Variants in UNC5B observed in about 807,000 individuals in gnomAD.
UNC5B encodes the protein unc-5 netrin receptor B.
A neutral mutation model predicts 103.7 loss-of-function variants in UNC5B; 56 were observed. The observed-to-expected ratio is 0.54, with a 90% CI of 0.44 to 0.67. UNC5B has a LOEUF of 0.67. Ranked by LOEUF, UNC5B falls within the 30% of genes least tolerant of loss-of-function variation. The pLI is 0.00. For synonymous variants in UNC5B, 577 were observed against 542.0 expected (o/e 1.06, Z -0.90); for missense variants, 1,194 against 1,284.5 (o/e 0.93, Z 1.08).
chr10:71,228,681 G>C (rs746066997), intron 1 of UNC5B, among the ~76,000 whole-genome samples: 18 of 152,230 alleles, frequency 1.2e-4, no homozygotes, highest in Non-Finnish European at 2.1e-4. Flanking sequence ...TACCAGACGG[G>C]AAAACATGAA....
chr10:71,237,401 A>G (rs552442272), intron 1 of UNC5B, among the ~76,000 whole-genome samples: 13 of 152,292 alleles, frequency 8.5e-5, no homozygotes, highest in African/African-American at 3.1e-4. Flanking sequence ...GATTTTAGAG[A>G]GAGAGCCGTC....
chr10:71,288,760 G>C, intron 7 of UNC5B, 28 bp downstream of exon 7: 1 of 1,583,826 alleles, frequency 6.3e-7, no homozygotes, highest in Non-Finnish European at 8.6e-7. Context: ...TGGGGCCCTG[G>C]GGGTGGGGAC....
At position 71,229,235 on chromosome 10, in the gene UNC5B, G is replaced by A. The variant is rs1843633198; in HGVS notation, c.79+16171G>A. On this transcript the variant is annotated intron_variant, in intron 1 of 16. Transcript: ENST00000335350. ...TCCCATTTTAAGGATTGGTCAGAGA[G>A]AGTGGGTGTTTGTGGGTGCATGGGG... Among the ~76,000 whole-genome samples, 3 of 152,238 alleles carry A rather than the reference G, an allele frequency of 2.0e-5. No homozygotes were observed. In the South Asian group the frequency reaches 6.2e-4, roughly 31 times the overall value.
rs575603442 is a variant in UNC5B at position 71,229,005 on chromosome 10, G to A, written c.79+15941G>A. On this transcript the variant is annotated intron_variant, in intron 1 of 16. Coordinates refer to ENST00000335350, the MANE Select transcript of UNC5B (RefSeq NM_170744.5). The stretch of plus-strand genomic sequence containing the variant: ...GCAGGGACTGGGCCTTATCCCCTGC[G>A]CACCTCCCTCAATGCCCAGGGAGTG... Among the ~76,000 whole-genome samples the A allele has an allele frequency of 3.9e-5, 6 of 152,258 alleles. No individual in the cohort carries two copies. In the East Asian group the frequency reaches 9.6e-4, roughly 24 times the overall value.
chr10:71,237,344 G>A (rs752187165), intron 1 of UNC5B, among the ~76,000 whole-genome samples: 1 of 144,278 alleles, frequency 6.9e-6, no homozygotes, highest in Admixed American at 6.8e-5. Flanking sequence ...CCACAAAGTG[G>A]AATTAATAGC....
intron 1 of UNC5B, among the ~76,000 whole-genome samples, chr10:71,250,642 G>A (rs542045731): frequency 6.6e-6 from 1 of 152,338 alleles, no homozygotes; most frequent in Admixed American, 6.5e-5. Context: ...AGTGATGTCT[G>A]CTGTGGTGTG....
rs376628004 is a variant in UNC5B, at chr10:71,220,278, T to C, written c.79+7214T>C. On this transcript the variant is annotated intron_variant, in intron 1 of 16. Transcript: ENST00000335350. ...TTTCTAAGCACTGGTAGGGATCATA[T>C]TGGGGGTGGAGACATGGGGAGGTAT... 2.3e-4 allele frequency among the ~76,000 whole-genome samples: 35 copies of C among 152,310 alleles called. 1 individual carries two copies. In the South Asian group the frequency reaches 5.0e-3, roughly 22 times the overall value.
At chr10:71,257,188 G>A (rs1043261722) in intron 1 of UNC5B, among the ~76,000 whole-genome samples, 4 of 152,158 alleles carry the variant, frequency 2.6e-5, no homozygotes, top group African/African-American at 7.2e-5. Context: ...CCTGAGGGGT[G>A]AGCACCCCCG....
chr10:71,214,592 G>C (rs1010371593), intron 1 of UNC5B, among the ~76,000 whole-genome samples: 1 of 152,128 alleles, frequency 6.6e-6, no homozygotes, highest in African/African-American at 2.4e-5. Context: ...GATGATTGAA[G>C]GGTAGGGTGA....
chr10:71,251,831 G>C (rs920995355), intron 1 of UNC5B, among the ~76,000 whole-genome samples: 1 of 152,138 alleles, frequency 6.6e-6, no homozygotes, highest in Non-Finnish European at 1.5e-5. Context: ...TTTTCTTTAA[G>C]TTGTTTTCCC....
At chr10:71,285,259 A>C (rs1039754257) in intron 3 of UNC5B, 67 bp from the exon 4 acceptor site, 35 of 1,465,882 alleles carry the variant, frequency 2.4e-5, no homozygotes, top group Admixed American at 2.3e-4. Flanking sequence ...CAGTGGCTAC[A>C]GTGTAGCACA....
intron 1 of UNC5B, among the ~76,000 whole-genome samples, chr10:71,219,701 C>T (rs1481146506): frequency 1.3e-5 from 2 of 152,212 alleles, no homozygotes; most frequent in Non-Finnish European, 2.9e-5. Flanking sequence ...TCCTAAGCAG[C>T]CCTGGCCACA....
intron 1 of UNC5B, among the ~76,000 whole-genome samples, chr10:71,250,591 A>G (rs1844151001): frequency 6.6e-6 from 1 of 152,206 alleles, no homozygotes; most frequent in Admixed American, 6.5e-5. Flanking sequence ...TGAGAAATCT[A>G]GGGCCACATC....
chr10:71,280,555 T>C (rs1467805259), intron 2 of UNC5B, among the ~76,000 whole-genome samples: 1 of 152,204 alleles, frequency 6.6e-6, no homozygotes, highest in Non-Finnish European at 1.5e-5. Flanking sequence ...ACCATCCAAG[T>C]GGTGCTGGGA....
intron 1 of UNC5B, among the ~76,000 whole-genome samples, chr10:71,229,641 G>A (rs1430049536): frequency 3.3e-5 from 5 of 152,212 alleles, no homozygotes; most frequent in Admixed American, 2.0e-4. Context: ...TGGAAGGGCA[G>A]GCTAAACAGA....
Position 71,280,291 on chromosome 10 carries a change from C to T in UNC5B, c.304+246C>T, listed in dbSNP as rs577453534. On this transcript the variant is annotated intron_variant, in intron 2 of 16. Transcript: ENST00000335350. ...CTGCTTCTGTTAGGGAGCAAGTTCC[C>T]GTCAGGTGGGGGTTCTTGAGCCCTC... Among the ~76,000 whole-genome samples the T allele has an allele frequency of 3.9e-5, 6 of 152,266 alleles. No homozygotes were observed. In the East Asian group the frequency reaches 7.7e-4, roughly 20 times the overall value.
intron 1 of UNC5B, among the ~76,000 whole-genome samples, chr10:71,257,015 A>G (rs549419376): frequency 3.3e-5 from 5 of 152,298 alleles, no homozygotes; most frequent in Non-Finnish European, 7.4e-5. Flanking sequence ...AGAGGATGCT[A>G]AGGAGGAGGC....
At position 71,212,703 on chromosome 10, in the gene UNC5B, G is replaced by A; in HGVS notation, c.-283G>A. The stretch of plus-strand genomic sequence containing the variant: ...GCCACTGAGCGGTCGCGCAACTTCG[G>A]AGGCACAGCGCCGGAGCCAGGCGAG... On this transcript the variant is annotated 5_prime_UTR_variant, in exon 1 of 17. Transcript: ENST00000335350. 3.3e-6 allele frequency: 1 copy of A among 300,154 alleles called. No homozygotes were observed. The highest frequency in any genetic ancestry group is 6.1e-6 in the Non-Finnish European group (1 of 162,888). The allele number at this position is 300,154 out of a possible 1,614,324, so 18.6% of individuals were successfully genotyped here.
intron 1 of UNC5B, among the ~76,000 whole-genome samples, chr10:71,215,806 GGTGTGTGTGTGTGTGTGT>G (rs55848098): frequency 4.0e-5 from 6 of 149,540 alleles, no homozygotes; most frequent in East Asian, 4.0e-4. Context: ...GTCTCTGCTT[GGTGTGTGTGTGTGTGTGT>G]GTGTGTGTGT....
Sources: allele counts gnomAD v4.1 joint callset (sites outside exome capture counted in the v4.1 genomes callset), GRCh38; gene constraint gnomAD v4.1.1; transcripts MANE v1.5; gene names NCBI Gene and HGNC (gene_info 2026-07-23, HGNC 2026-07-21).